Variants in PDE8A observed in about 807,000 individuals in gnomAD.
PDE8A encodes the protein phosphodiesterase 8A.
Under a neutral mutation model 105.0 loss-of-function variants are expected in PDE8A, and 59 were observed. The observed-to-expected ratio is 0.56, with a 90% CI of 0.46 to 0.70. The LOEUF (loss-of-function observed/expected upper bound fraction) is 0.70, where lower values mean the gene tolerates loss of function less well. Among genes scored for constraint, PDE8A ranks in the 30% least tolerant of loss-of-function variants. The pLI is 0.00. For missense variants in PDE8A, 1,014 were observed against 1,045.9 expected (o/e 0.97, Z 0.42); for synonymous variants, 355 against 371.9 (o/e 0.95, Z 0.52).
Position 85,123,082 on chromosome 15 carries a change from C to G in PDE8A, c.1974C>G (p.Arg658=), listed in dbSNP as rs2082206015. 5 of 1,613,892 alleles carry G rather than the reference C, an allele frequency of 3.1e-6. No homozygotes were observed. The highest frequency in any genetic ancestry group is 4.2e-6 in the Non-Finnish European group (5 of 1,179,966). The change falls in exon 19 of 22, where the codon CGC becomes CGG. Residue 658 remains arginine, a synonymous_variant. Coordinates refer to ENST00000394553, the MANE Select transcript of PDE8A (RefSeq NM_002605.3). ...ACAGGAATGATTATCGGACACTGCGCCAGGGGATTATCGACATGGTCTTAG... is the reference window on the plus strand; with the variant it reads ...ACAGGAATGATTATCGGACACTGCGGCAGGGGATTATCGACATGGTCTTAG... The part of the protein sequence containing the change: ...NMERNDYRTL[R]QGIIDMVLAT...
chr15:85,137,747 A>G (rs1567311434), intron 21 of PDE8A, 50 bp from the exon 22 acceptor site: 1 of 1,191,310 alleles, frequency 8.4e-7, no homozygotes. Flanking sequence ...AAAGCCTAAA[A>G]TGTAAACAGA....
At chr15:84,999,208 C>T (rs1264388807) in intron 1 of PDE8A, among the ~76,000 whole-genome samples, 1 of 149,928 alleles carries the variant, frequency 6.7e-6, no homozygotes, top group Admixed American at 6.7e-5. Context: ...GCAACCTCTG[C>T]CTCCTGGGTT....
intron 1 of PDE8A, among the ~76,000 whole-genome samples, chr15:85,004,699 C>CT (rs1361871851): frequency 3.3e-5 from 5 of 152,168 alleles, no homozygotes; most frequent in Non-Finnish European, 7.3e-5. Flanking sequence ...ATCTGAATCT[C>CT]TAAGTTCTGC....
chr15:85,107,230 A>G lies in PDE8A; in HGVS notation c.1037-1823A>G, dbSNP rs533445314. On this transcript the variant is annotated intron_variant, in intron 11 of 21. Transcript: ENST00000394553. ...CCAAGTAGGTGGTTTGTACCAAATC[A>G]TAGAGGTTTGGGAGGCAAATTAACA... Among the ~76,000 whole-genome samples, 27 of 152,316 alleles carry G rather than the reference A, an allele frequency of 1.8e-4. 1 individual carries two copies. In the East Asian group the frequency reaches 5.2e-3, roughly 29 times the overall value.
intron 16 of PDE8A, among the ~76,000 whole-genome samples, chr15:85,116,986 T>C (rs1199176684): frequency 6.6e-6 from 1 of 152,234 alleles, no homozygotes. Context: ...AGTCCTGTGA[T>C]CACTTCTGGA....
chr15:85,115,594 A>G (rs1459936169), intron 15 of PDE8A, 107 bp downstream of exon 15: 1 of 609,776 alleles, frequency 1.6e-6, no homozygotes, highest in Non-Finnish European at 2.8e-6. Context: ...TTGGTATGTC[A>G]TAAAGCCTCA....
chr15:85,095,053 G>A (rs2081719806), intron 8 of PDE8A, among the ~76,000 whole-genome samples: 1 of 152,082 alleles, frequency 6.6e-6, no homozygotes, highest in Admixed American at 6.6e-5. Flanking sequence ...TAGGATGGCT[G>A]GATGATGATG....
intron 19 of PDE8A, among the ~76,000 whole-genome samples, chr15:85,124,715 T>C (rs2082232948): frequency 6.6e-6 from 1 of 152,206 alleles, no homozygotes; most frequent in Non-Finnish European, 1.5e-5. Context: ...TCCAAAGACT[T>C]TTAACAGAGG....
chr15:85,099,464 A>AG (rs1435427508), intron 9 of PDE8A, among the ~76,000 whole-genome samples: 1 of 152,212 alleles, frequency 6.6e-6, no homozygotes, highest in Non-Finnish European at 1.5e-5. Flanking sequence ...GTAAGTATAT[A>AG]GGGATTTGAT....
At chr15:85,034,793 C>A (rs2080675788) in intron 1 of PDE8A, among the ~76,000 whole-genome samples, 1 of 152,152 alleles carries the variant, frequency 6.6e-6, no homozygotes, top group South Asian at 2.1e-4. Context: ...TCAAGTGAAC[C>A]TCTCACCTTG....
chr15:85,013,009 T>A (rs568305623), intron 1 of PDE8A, among the ~76,000 whole-genome samples: 83 of 152,314 alleles, frequency 5.4e-4, no homozygotes, highest in Non-Finnish European at 1.0e-3. Context: ...CCATCCACAG[T>A]TAAACAGAAA....
At chr15:85,127,217 CATT>C (rs1219936010) in intron 20 of PDE8A, among the ~76,000 whole-genome samples, 1 of 152,122 alleles carries the variant, frequency 6.6e-6, no homozygotes, top group Non-Finnish European at 1.5e-5. Context: ...ATACAGCTAA[CATT>C]ATATTTAATG....
intron 1 of PDE8A, among the ~76,000 whole-genome samples, chr15:85,031,974 C>T (rs536676135): frequency 6.6e-6 from 1 of 152,248 alleles, no homozygotes; most frequent in South Asian, 2.1e-4. Flanking sequence ...AGTTTTGTTC[C>T]CTGGCACACA....
At chr15:85,057,254 G>T (rs72757052) in intron 1 of PDE8A, among the ~76,000 whole-genome samples, 13,457 of 152,186 alleles carry the variant, frequency 0.088, 1,659 homozygotes, top group African/African-American at 0.28. Flanking sequence ...CTACTTGGGG[G>T]TCAGGGATCC....
Position 85,117,754 on chromosome 15 carries a change from A to G in PDE8A, c.1649A>G (p.His550Arg). The change falls in exon 17 of 22, where the codon CAT (histidine) becomes CGT (arginine). Residue 550 changes from histidine to arginine, a missense_variant. By Grantham distance (29) the His-to-Arg change is conservative (BLOSUM62 0). Transcript: ENST00000394553. ...TTACAAATTATCGAAGCCAATTATCATTCCTCCAATCCCTACCACAATTCT... is the reference window on the plus strand; with the variant it reads ...TTACAAATTATCGAAGCCAATTATCGTTCCTCCAATCCCTACCACAATTCT... ...SWLQIIEANY[H>R]SSNPYHNSTH... 6.2e-7 allele frequency: 1 copy of G among 1,613,914 alleles called. No individual in the cohort carries two copies. The highest frequency in any genetic ancestry group is 8.5e-7 in the Non-Finnish European group (1 of 1,179,776).
chr15:85,126,434 T>C (rs2082260393), intron 20 of PDE8A, 60 bp downstream of exon 20: 1 of 1,219,266 alleles, frequency 8.2e-7, no homozygotes, highest in Admixed American at 2.7e-5. Flanking sequence ...CATAAAATCA[T>C]ACGAGATAAT....
At chr15:85,091,206 T>C (rs1164719930) in intron 8 of PDE8A, 25 bp downstream of exon 8, 1 of 1,573,944 alleles carries the variant, frequency 6.4e-7, no homozygotes, top group South Asian at 1.2e-5. Context: ...AGTGCCTTTT[T>C]TAACTTTCAC....
At chr15:85,109,498 A>C (rs1567291879) in intron 12 of PDE8A, among the ~76,000 whole-genome samples, 1 of 152,206 alleles carries the variant, frequency 6.6e-6, no homozygotes, top group Non-Finnish European at 1.5e-5. Flanking sequence ...TTTTAGAGAG[A>C]GGTGAGCTCG....
chr15:85,132,147 A>AT (rs1218699261), intron 20 of PDE8A, among the ~76,000 whole-genome samples: 1 of 151,962 alleles, frequency 6.6e-6, no homozygotes, highest in Non-Finnish European at 1.5e-5. Context: ...TTTGGCCAAG[A>AT]TTTTTTCAAA....
Sources: allele counts gnomAD v4.1 joint callset (sites outside exome capture counted in the v4.1 genomes callset), GRCh38; gene constraint gnomAD v4.1.1; transcripts MANE v1.5; gene names NCBI Gene and HGNC (gene_info 2026-07-23, HGNC 2026-07-21).